FOXP2: variants seen among roughly 807,000 people sequenced by gnomAD.
FOXP2 encodes forkhead box P2.
In FOXP2, 12 loss-of-function variants were observed where a neutral mutation model predicts 115.8. The ratio of observed to expected loss-of-function variants is 0.10; its 90% CI spans 0.07 to 0.17. FOXP2 has a LOEUF of 0.17. Among genes scored for constraint, FOXP2 ranks in the 10% least tolerant of loss-of-function variants. FOXP2 has a pLI of 1.00. For synonymous variants in FOXP2, 328 were observed against 297.7 expected (o/e 1.10, Z -1.05); for missense variants, 629 against 843.5 (o/e 0.75, Z 3.15).
chr7:114,345,809 C>G (rs1391879285), intron 2 of FOXP2, among the ~76,000 whole-genome samples: 1 of 151,514 alleles, frequency 6.6e-6, no homozygotes, highest in Non-Finnish European at 1.5e-5. Flanking sequence ...CTGTATTATA[C>G]CATATGGAAG....
At chr7:114,528,100 A>G (rs1798961455) in intron 2 of FOXP2, among the ~76,000 whole-genome samples, 1 of 152,040 alleles carries the variant, frequency 6.6e-6, no homozygotes, top group Non-Finnish European at 1.5e-5. Context: ...AGTTTATCCA[A>G]TAATTAGCCC....
At chr7:114,553,307 T>A (rs1800302199) in intron 3 of FOXP2, among the ~76,000 whole-genome samples, 1 of 152,204 alleles carries the variant, frequency 6.6e-6, no homozygotes, top group East Asian at 1.9e-4. Flanking sequence ...TACATGAAAA[T>A]GTCTTAGAAA....
At chr7:114,197,457 CT>C (rs2129158743) in intron 1 of FOXP2, among the ~76,000 whole-genome samples, 1 of 152,260 alleles carries the variant, frequency 6.6e-6, no homozygotes, top group African/African-American at 2.4e-5. Flanking sequence ...CTCTGTGTCT[CT>C]TTATGAGGGC....
intron 3 of FOXP2, among the ~76,000 whole-genome samples, chr7:114,600,113 A>G (rs1034547434): frequency 1.3e-5 from 2 of 152,174 alleles, no homozygotes; most frequent in Admixed American, 6.6e-5. Flanking sequence ...ATAAATTCAT[A>G]TATCTACCAT....
intron 2 of FOXP2, among the ~76,000 whole-genome samples, chr7:114,497,309 G>A (rs1173748270): frequency 6.6e-6 from 1 of 151,946 alleles, no homozygotes; most frequent in Admixed American, 6.6e-5. Context: ...AAAATTTTGG[G>A]GTCGAATACA....
intron 3 of FOXP2, among the ~76,000 whole-genome samples, chr7:114,606,706 A>G (rs1251538785): frequency 2.0e-5 from 3 of 152,172 alleles, no homozygotes; most frequent in Non-Finnish European, 2.9e-5. Context: ...TGGAAAGAAC[A>G]TTCTTACAAA....
At chr7:114,405,112 C>T (rs912708803) in intron 2 of FOXP2, among the ~76,000 whole-genome samples, 1 of 151,622 alleles carries the variant, frequency 6.6e-6, no homozygotes, top group Non-Finnish European at 1.5e-5. Context: ...GAATATGTGG[C>T]CCCCTATTAA....
intron 1 of FOXP2, among the ~76,000 whole-genome samples, chr7:114,118,440 GT>G (rs1488183160): frequency 6.7e-6 from 1 of 150,350 alleles, no homozygotes; most frequent in African/African-American, 2.4e-5. Context: ...CAACCTAGAG[GT>G]TTTTTTTGGA....
intron 2 of FOXP2, among the ~76,000 whole-genome samples, chr7:114,433,958 T>A (rs1208811549): frequency 6.6e-6 from 1 of 151,832 alleles, no homozygotes; most frequent in Admixed American, 6.6e-5. Context: ...TGTAAAAAAA[T>A]ATAAAGTAAT....
At chr7:114,522,670 A>G (rs1680521447) in intron 2 of FOXP2, among the ~76,000 whole-genome samples, 1 of 152,174 alleles carries the variant, frequency 6.6e-6, no homozygotes, top group Non-Finnish European at 1.5e-5. Flanking sequence ...TAAAATTTAC[A>G]TGGATGTAGT....
intron 2 of FOXP2, among the ~76,000 whole-genome samples, chr7:114,512,641 G>A (rs1411692493): frequency 6.6e-6 from 1 of 152,134 alleles, no homozygotes; most frequent in Non-Finnish European, 1.5e-5. Flanking sequence ...TTTAAGAAGG[G>A]ATGTCATCTT....
chr7:114,134,692 G>A (rs527521867), intron 1 of FOXP2, among the ~76,000 whole-genome samples: 27 of 134,956 alleles, frequency 2.0e-4, no homozygotes, highest in Non-Finnish European at 3.9e-4. Context: ...CAGCCTGGGC[G>A]ACAGAGCGAG....
intron 1 of FOXP2, among the ~76,000 whole-genome samples, chr7:114,264,481 G>A (rs547536575): frequency 2.6e-5 from 4 of 152,098 alleles, no homozygotes; most frequent in Non-Finnish European, 5.9e-5. Flanking sequence ...GCACTTTAAT[G>A]TCTGGGCCAA....
chr7:114,117,493 A>T (rs1791442241), intron 1 of FOXP2, among the ~76,000 whole-genome samples: 1 of 152,064 alleles, frequency 6.6e-6, no homozygotes, highest in Non-Finnish European at 1.5e-5. Context: ...AAGTGCTGGG[A>T]TTACAGGCAT....
chr7:114,311,660 A>G (rs2072479452), intron 2 of FOXP2, among the ~76,000 whole-genome samples: 1 of 152,082 alleles, frequency 6.6e-6, no homozygotes, highest in Non-Finnish European at 1.5e-5. Context: ...GTAGAAAACT[A>G]TGTTATTCCC....
Position 114,693,290 on chromosome 7 carries a change from T to G in FOXP2, c.*3364T>G. On this transcript the variant is annotated 3_prime_UTR_variant, in exon 17 of 17. Coordinates refer to ENST00000350908, the MANE Select transcript of FOXP2 (RefSeq NM_014491.4). ...GCTTAACTTCATAAGAATGCATTTC[T>G]TTGTGATTAGGGAATCGAAGAATAG... 1 of 452,078 alleles carries G rather than the reference T, an allele frequency of 2.2e-6. No homozygotes were observed. The highest frequency in any genetic ancestry group is 4.4e-6 in the Non-Finnish European group (1 of 225,772). The allele number at this position is 452,078 out of a possible 1,614,324, so 28.0% of individuals were successfully genotyped here. A position where few individuals can be genotyped will look rare whatever the true frequency, so the allele number is the denominator to read the frequency against.
chr7:114,126,889 C>G (rs928575791), intron 1 of FOXP2, among the ~76,000 whole-genome samples: 3 of 152,148 alleles, frequency 2.0e-5, no homozygotes, highest in Admixed American at 6.6e-5. Flanking sequence ...TTGGCTGATG[C>G]ACTTATTAGT....
At chr7:114,260,680 T>C (rs908666820) in intron 1 of FOXP2, among the ~76,000 whole-genome samples, 1 of 152,016 alleles carries the variant, frequency 6.6e-6, no homozygotes, top group African/African-American at 2.4e-5. Flanking sequence ...TACTTTTCAG[T>C]TTTCAAACTT....
chr7:114,167,375 T>A (rs1793010407), intron 1 of FOXP2, among the ~76,000 whole-genome samples: 1 of 152,170 alleles, frequency 6.6e-6, no homozygotes, highest in Non-Finnish European at 1.5e-5. Flanking sequence ...GCATATGCTA[T>A]TTTGTGGTGG....
Sources: gnomAD v4.1 joint callset for allele counts (sites outside exome capture counted in the v4.1 genomes callset) on GRCh38, gnomAD v4.1.1 for gene constraint, MANE v1.5 for transcripts, NCBI Gene and HGNC (gene_info 2026-07-23, HGNC 2026-07-21) for gene names.